Variants in GABRR1 observed in about 807,000 individuals in gnomAD.
The protein encoded by GABRR1 is gamma-aminobutyric acid receptor subunit rho-1.
In GABRR1, 59 loss-of-function variants were observed where a neutral mutation model predicts 55.5. The observed-to-expected ratio is 1.06, with a 90% CI of 0.86 to 1.32. The LOEUF (loss-of-function observed/expected upper bound fraction) is 1.32, where lower values mean the gene tolerates loss of function less well. Ranked by LOEUF, GABRR1 falls within the 40% of genes most tolerant of loss-of-function variation. The pLI, the probability that GABRR1 is intolerant of heterozygous loss-of-function variation, is 0.00. For missense variants in GABRR1, 602 were observed against 619.1 expected (o/e 0.97, Z 0.29); for synonymous variants, 213 against 226.0 (o/e 0.94, Z 0.51).
In GABRR1 at chr6:89,209,640, G is replaced by A. The variant is rs778464390; in HGVS notation, c.123-6155C>T. 3.1e-4 allele frequency among the ~76,000 whole-genome samples: 47 copies of A among 152,062 alleles called. 1 individual carries two copies. The highest frequency in any genetic ancestry group is 5.2e-4 in the Admixed American group (8 of 15,260). On this transcript the variant is annotated intron_variant, in intron 1 of 9. Transcript: ENST00000454853. ...TCAACAGGGGTGAGTCAAGACTCAC[G>A]AGGTCTTCTCAATGCTATCACCGCA...
chr6:89,217,388 C>T, upstream of GABRR1: 4 of 1,556,220 alleles, frequency 2.6e-6, no homozygotes, highest in Admixed American at 3.8e-5. Flanking sequence ...CTTTTTCTCT[C>T]TTAAGACATT....
chr6:89,188,688 T>C (rs1279213827), intron 6 of GABRR1, among the ~76,000 whole-genome samples: 1 of 152,240 alleles, frequency 6.6e-6, no homozygotes, highest in East Asian at 1.9e-4. Context: ...TTTATCAATA[T>C]ATTATCAATA....
intron 1 of GABRR1, among the ~76,000 whole-genome samples, chr6:89,230,606 G>A (rs1773268896): frequency 6.6e-6 from 1 of 152,162 alleles, no homozygotes; most frequent in African/African-American, 2.4e-5. Context: ...CGCTTGAGGA[G>A]GCAGTCTGCC....
intron 5 of GABRR1, among the ~76,000 whole-genome samples, chr6:89,195,848 A>T (rs1193160849): frequency 6.6e-6 from 1 of 152,198 alleles, no homozygotes; most frequent in Non-Finnish European, 1.5e-5. Flanking sequence ...ATCAGGTGGG[A>T]GCTTGAAATC....
chr6:89,230,739 A>C (rs932544196), intron 1 of GABRR1, among the ~76,000 whole-genome samples: 2 of 151,770 alleles, frequency 1.3e-5, no homozygotes, highest in Admixed American at 1.3e-4. Context: ...CTGCCCCCAG[A>C]GGTGGAGCCT....
chr6:89,219,803 A>G (rs927183863), upstream of GABRR1, among the ~76,000 whole-genome samples: 2 of 152,220 alleles, frequency 1.3e-5, no homozygotes, highest in Non-Finnish European at 2.9e-5. Flanking sequence ...AACCAGTTGT[A>G]ACATCTTACT....
chr6:89,184,377 G>A (rs1310680871), intron 7 of GABRR1, among the ~76,000 whole-genome samples: 10 of 150,866 alleles, frequency 6.6e-5, no homozygotes, highest in East Asian at 1.9e-4. Flanking sequence ...GCTATTTAGC[G>A]CAGGCAAGCT....
chr6:89,220,981 A>G (rs1473856230), upstream of GABRR1, among the ~76,000 whole-genome samples: 2 of 152,012 alleles, frequency 1.3e-5, no homozygotes, highest in Non-Finnish European at 2.9e-5. Flanking sequence ...CAGCCTCCCA[A>G]AGTGCTGGGG....
Position 89,178,645 on chromosome 6 carries a change from G to T in GABRR1, c.*125C>A. On this transcript the variant is annotated 3_prime_UTR_variant, in exon 10 of 10. Coordinates refer to ENST00000454853, the MANE Select transcript of GABRR1 (RefSeq NM_002042.5). Reference sequence around the variant, plus strand: ...ATGTAGCTTTGGAAAGCTGCAGAAGGGATAGTGAAAACATGGGTGGGTCCT... The same window carrying T: ...ATGTAGCTTTGGAAAGCTGCAGAAGTGATAGTGAAAACATGGGTGGGTCCT... 1 of 746,634 alleles carries T rather than the reference G, an allele frequency of 1.3e-6. No individual in the cohort carries two copies. The allele number at this position is 746,634 out of a possible 1,614,324, so 46.3% of individuals were successfully genotyped here.
At chr6:89,218,040 C>T (rs542408038), upstream of GABRR1, among the ~76,000 whole-genome samples, 1 of 152,272 alleles carries the variant, frequency 6.6e-6, no homozygotes, top group African/African-American at 2.4e-5. Context: ...AGCCTCAAGT[C>T]TGTGTTATTT....
At position 89,217,273 on chromosome 6, in the gene GABRR1, C is replaced by G. The variant is rs1459573122; in HGVS notation, c.50G>C (p.Gly17Ala). Reference protein sequence around the residue: ...MRFGIFLLWWGWVLATESRMH... With the variant: ...MRFGIFLLWWAWVLATESRMH... ...TCTGCTTTCAGTGGCCAAAACCCAT[C>G]CCCACCACAAAAGAAAGATGCCAAA... Residue 17 changes from glycine to alanine, a missense_variant, in exon 1 of 10, where the codon GGA becomes GCA. Coordinates refer to ENST00000454853, the MANE Select transcript of GABRR1 (RefSeq NM_002042.5). 5.6e-6 allele frequency: 9 copies of G among 1,614,070 alleles called. No individual in the cohort carries two copies. Among genetic ancestry groups the G allele is most frequent in the Non-Finnish European group, 6.8e-6 (8 of 1,179,942 alleles).
Position 89,184,202 on chromosome 6 carries a change from C to A in GABRR1, c.796+1108G>T, listed in dbSNP as rs181447900. Among the ~76,000 whole-genome samples the A allele has an allele frequency of 3.8e-3, 566 of 147,974 alleles. 3 individuals are homozygous for A. Among genetic ancestry groups the A allele is most frequent in the Middle Eastern group, 0.018 (5 of 282 alleles). ...TTGCAGTGAGCCCAGACCTGGCCAT[C>A]TGGCCATTGCACTCTAGCCTGGGCA... On this transcript the variant is annotated intron_variant, in intron 7 of 9. Coordinates refer to ENST00000454853, the MANE Select transcript of GABRR1 (RefSeq NM_002042.5).
chr6:89,194,133 T>A (rs1252094720), intron 5 of GABRR1, among the ~76,000 whole-genome samples: 1 of 151,996 alleles, frequency 6.6e-6, no homozygotes, highest in Non-Finnish European at 1.5e-5. Flanking sequence ...AGGACAACCA[T>A]CCCCATCCTG....
intron 1 of GABRR1, among the ~76,000 whole-genome samples, chr6:89,206,592 G>A (rs999868044): frequency 8.6e-5 from 13 of 151,654 alleles, no homozygotes; most frequent in Admixed American, 3.9e-4. Flanking sequence ...TCACTTCACC[G>A]TGGGATCAAT....
intron 1 of GABRR1, among the ~76,000 whole-genome samples, chr6:89,223,511 C>T (rs555437396): frequency 4.5e-4 from 68 of 152,228 alleles, no homozygotes; most frequent in Middle Eastern, 3.4e-3. Context: ...TATAAACATG[C>T]GTGTACAAGT....
intron 1 of GABRR1, among the ~76,000 whole-genome samples, chr6:89,214,020 A>G (rs181353040): frequency 2.2e-4 from 23 of 106,138 alleles, no homozygotes; most frequent in African/African-American, 8.7e-4. Flanking sequence ...GGTTTTCTAT[A>G]TATAAGATCA....
rs187675589 is a variant in GABRR1, at chr6:89,198,448, G to A, written c.349-205C>T. Among the ~76,000 whole-genome samples the A allele has an allele frequency of 2.1e-4, 32 of 151,678 alleles. 1 individual carries two copies. The highest frequency in any genetic ancestry group is 7.5e-4 in the African/African-American group (31 of 41,338). On this transcript the variant is annotated intron_variant, in intron 4 of 9. Transcript: ENST00000454853. ...GGCGGGGCACAGCGTGGAACTCAGA[G>A]AGAAGCCTGGAGCAGACAGTGTAAG...
Position 89,199,405 on chromosome 6 carries a change from T to G in GABRR1, c.305A>C (p.Asp102Ala), listed in dbSNP as rs1316614210. Residue 102 changes from aspartate to alanine, a missense_variant, in exon 4 of 10, where the codon GAT becomes GCT. Asp to Ala is a moderately radical substitution (Grantham distance 126, BLOSUM62 -2). This residue lies in a region of GABRR1 where 435 missense variants were observed against 424.2 expected (regional missense o/e 1.03). Transcript: ENST00000454853. ...GCTATCCAAACTCTCCACCTGCACATCCACACCAACAGGAATGGCAGGGCC... is the reference window on the plus strand; with the variant it reads ...GCTATCCAAACTCTCCACCTGCACAGCCACACCAACAGGAATGGCAGGGCC... The part of the protein sequence containing the change: ...FGGPAIPVGV[D>A]VQVESLDSIS... The G allele has an allele frequency of 6.2e-7, 1 of 1,613,936 alleles. No individual in the cohort carries two copies. Among genetic ancestry groups the G allele is most frequent in the East Asian group, 2.2e-5 (1 of 44,866 alleles).
At chr6:89,217,868 G>C (rs556537611), upstream of GABRR1, 1 of 153,216 alleles carries the variant, frequency 6.5e-6, no homozygotes, top group East Asian at 1.9e-4. Flanking sequence ...GTACCTGCGT[G>C]GGCTGTCTAT....
Sources: gnomAD v4.1 joint callset for allele counts (sites outside exome capture counted in the v4.1 genomes callset) on GRCh38, gnomAD v4.1.1 for gene constraint, gnomAD v4.1.1 regional missense constraint, MANE v1.5 for transcripts, NCBI Gene and HGNC (gene_info 2026-07-23, HGNC 2026-07-21) for gene names.